PTK2: variants seen among roughly 807,000 people sequenced by gnomAD.
PTK2 encodes focal adhesion kinase 1.
A neutral mutation model predicts 150.1 loss-of-function variants in PTK2; 45 were observed. That is an observed-to-expected ratio of 0.30 (90% CI 0.24 to 0.38). The LOEUF is 0.38. PTK2 is among the 10% of genes least tolerant of loss of function. The pLI, the probability that PTK2 is intolerant of heterozygous loss-of-function variation, is 1.00. For missense variants in PTK2, 919 were observed against 1,307.3 expected, an observed-to-expected ratio of 0.70 and a Z score of 4.58; for synonymous variants, 432 against 449.2, an observed-to-expected ratio of 0.96 and a Z score of 0.48.
intron 27 of PTK2, among the ~76,000 whole-genome samples, chr8:140,686,259 G>A (rs552748142): frequency 6.6e-5 from 10 of 152,154 alleles, no homozygotes; most frequent in Admixed American, 2.0e-4. Flanking sequence ...GTGGGAGGAG[G>A]GTGAGAGGAG....
chr8:140,866,772 T>C (rs943906864), intron 4 of PTK2, among the ~76,000 whole-genome samples: 1 of 152,164 alleles, frequency 6.6e-6, no homozygotes, highest in Admixed American at 6.5e-5. Flanking sequence ...CCCAAAAAGT[T>C]TGCATTTTTG....
At chr8:140,818,998 A>G in exon 9 of PTK2, 1 of 1,613,146 alleles carries the variant, frequency 6.2e-7, no homozygotes, top group Non-Finnish European at 8.5e-7. Context: ...TGTTTGTTGG[A>G]TCAGTTTTCT....
intron 1 of PTK2, among the ~76,000 whole-genome samples, chr8:140,957,173 T>C (rs12548549): frequency 0.47 from 71,658 of 151,962 alleles, 17,138 homozygotes; most frequent in Admixed American, 0.56. Context: ...GTGCCTCGCT[T>C]CTATCATCTT....
chr8:140,756,329 A>C (rs550566835), intron 16 of PTK2, among the ~76,000 whole-genome samples: 5 of 151,864 alleles, frequency 3.3e-5, no homozygotes, highest in Admixed American at 2.0e-4. Context: ...TCTCAAAAAA[A>C]AAAAAAAAGA....
chr8:140,917,352 G>A (rs1405882777), intron 2 of PTK2, among the ~76,000 whole-genome samples: 1 of 147,566 alleles, frequency 6.8e-6, no homozygotes, highest in African/African-American at 2.5e-5. Context: ...GAAAGGACAG[G>A]AAAGGACAGG....
rs1049760264 is a variant in PTK2 at position 140,858,450 on chromosome 8, G to A, written c.450+5862C>T. On this transcript the variant is annotated intron_variant, in intron 5 of 31. Transcript: ENST00000522684. ...AGAAAAAAAAAAAGAAAGAAAGAAA[G>A]AAAAAAAGAAAATCCACGACTCGTT... 1.0e-4 allele frequency among the ~76,000 whole-genome samples: 15 copies of A among 146,232 alleles called. No individual in the cohort carries two copies. In the East Asian group the frequency reaches 2.3e-3, roughly 23 times the overall value.
chr8:140,732,587 C>A, intron 22 of PTK2: 1 of 530,324 alleles, frequency 1.9e-6, no homozygotes, highest in Middle Eastern at 3.5e-4. Context: ...CCATCCCTGT[C>A]CTCAAGGAGC....
chr8:140,870,939 T>A (rs575185355), intron 4 of PTK2, among the ~76,000 whole-genome samples: 1 of 152,128 alleles, frequency 6.6e-6, no homozygotes, highest in South Asian at 2.1e-4. Flanking sequence ...TGGCAGTAAC[T>A]GGACACATTT....
chr8:140,939,290 T>C (rs2100174840), intron 1 of PTK2, among the ~76,000 whole-genome samples: 1 of 152,252 alleles, frequency 6.6e-6, no homozygotes, highest in African/African-American at 2.4e-5. Context: ...AAATTTTTCA[T>C]TCAAGAAATT....
intron 1 of PTK2, among the ~76,000 whole-genome samples, chr8:140,970,316 G>A (rs1433600197): frequency 1.3e-5 from 2 of 152,230 alleles, no homozygotes; most frequent in South Asian, 4.1e-4. Flanking sequence ...ACACTATGCT[G>A]GGGACCAGCT....
intron 26 of PTK2, among the ~76,000 whole-genome samples, chr8:140,696,063 C>T (rs1331481197): frequency 2.0e-5 from 3 of 152,156 alleles, no homozygotes; most frequent in African/African-American, 7.2e-5. Flanking sequence ...GGGCCTCTAA[C>T]GTTTAGATGC....
intron 1 of PTK2, 60 bp from the exon 2 acceptor site, chr8:140,925,809 G>A (rs2100169219): frequency 9.2e-6 from 2 of 218,040 alleles, no homozygotes; most frequent in Non-Finnish European, 7.8e-6. Context: ...TCAGCAAAAT[G>A]AGGACAGTAA....
At chr8:140,679,857 G>A (rs938712136) in intron 27 of PTK2, among the ~76,000 whole-genome samples, 8 of 152,186 alleles carry the variant, frequency 5.3e-5, no homozygotes, top group African/African-American at 1.9e-4. Flanking sequence ...TTCTAAAAGT[G>A]TTAAAGCTGG....
At chr8:140,804,949 C>G (rs984381697) in intron 10 of PTK2, among the ~76,000 whole-genome samples, 1 of 152,192 alleles carries the variant, frequency 6.6e-6, no homozygotes, top group African/African-American at 2.4e-5. Context: ...TTTCTTCCAC[C>G]TCACTGGTCT....
At chr8:140,775,903 A>AT (rs2100078130) in intron 14 of PTK2, among the ~76,000 whole-genome samples, 3 of 152,226 alleles carry the variant, frequency 2.0e-5, no homozygotes, top group African/African-American at 7.2e-5. Context: ...GGAAATTACC[A>AT]TTTTTAAGGG....
intron 5 of PTK2, among the ~76,000 whole-genome samples, chr8:140,857,192 A>T (rs1476721542): frequency 6.6e-6 from 1 of 152,202 alleles, no homozygotes; most frequent in East Asian, 1.9e-4. Context: ...TACTATTAGC[A>T]GAACAGTGAG....
chr8:140,855,782 C>G (rs747966371), intron 5 of PTK2, among the ~76,000 whole-genome samples: 4 of 151,928 alleles, frequency 2.6e-5, no homozygotes, highest in Non-Finnish European at 4.4e-5. Flanking sequence ...GCAAGGAGGA[C>G]AAATGGGGAA....
chr8:140,944,482 T>C lies in PTK2; in HGVS notation c.-121-18733A>G, dbSNP rs1236536299. Among the ~76,000 whole-genome samples, 3 of 152,250 alleles carry C rather than the reference T, an allele frequency of 2.0e-5. No individual in the cohort carries two copies. In the East Asian group the frequency reaches 5.8e-4, roughly 29 times the overall value. On this transcript the variant is annotated intron_variant, in intron 1 of 31. Transcript: ENST00000522684. ...GATACTGCCACGAGGAATCTTGGAC[T>C]GTCTTCTTAACTTCTCTAAGCCCAG... is the stretch of plus-strand genomic sequence containing the variant.
In PTK2 at chr8:140,864,618, A is replaced by G. The variant is rs770290692; in HGVS notation, c.363-219T>C. On this transcript the variant is annotated intron_variant, in intron 4 of 31. Transcript: ENST00000522684. ...TGCTACAGCTCAGTGATTCAAGGAA[A>G]CAGAGCATAGTAAGAGGCCCAGAAG... is the stretch of plus-strand genomic sequence containing the variant. 5.3e-5 allele frequency among the ~76,000 whole-genome samples: 8 copies of G among 152,224 alleles called. No homozygotes were observed. The East Asian group carries it at 1.5e-3, about 29-fold the overall frequency.
Sources: gnomAD v4.1 joint callset for allele counts (sites outside exome capture counted in the v4.1 genomes callset) on GRCh38, gnomAD v4.1.1 for gene constraint, MANE v1.5 for transcripts, NCBI Gene and HGNC (gene_info 2026-07-23, HGNC 2026-07-21) for gene names.